The following TMEM209 variants were observed in gnomAD, a reference collection of about 807,000 sequenced individuals.
TMEM209 encodes the protein transmembrane protein 209, also known as testicular tissue protein Li 202.
A neutral mutation model predicts 76.2 loss-of-function variants in TMEM209; 65 were observed. The observed-to-expected ratio is 0.85, with a 90% CI of 0.70 to 1.05. The LOEUF (loss-of-function observed/expected upper bound fraction) is 1.05. Ranked by LOEUF, TMEM209 falls within the 50% of genes least tolerant of loss-of-function variation. The pLI is 0.00. For missense variants in TMEM209, 623 were observed against 685.5 expected (o/e 0.91, Z 1.02); for synonymous variants, 239 against 237.6 (o/e 1.01, Z -0.06).
At chr7:130,201,778 C>T (rs1169346972) in intron 5 of TMEM209, 72 bp downstream of exon 5, 2 of 1,572,256 alleles carry the variant, frequency 1.3e-6, no homozygotes, top group African/African-American at 2.7e-5. Context: ...TAAGTTTTGA[C>T]TCATTAGATG....
rs2117014545 is a variant in TMEM209, at chr7:130,192,668, A to G, written c.729T>C (p.Asp243=). 4 of 1,613,770 alleles carry G rather than the reference A, an allele frequency of 2.5e-6. No homozygotes were observed. The highest frequency in any genetic ancestry group is 3.4e-6 in the Non-Finnish European group (4 of 1,179,726). ...EDYMTDLRTL[D]TFLRSEEEKQ... ...TCTCCTCTTCACTTCTGAGAAAAGT[A>G]TCCAAAGTTCGTAGGTCGGTCATGT... The change falls in exon 6 of 15, where the codon GAT becomes GAC. Residue 243 remains aspartate (D), a synonymous_variant. Coordinates refer to ENST00000397622, the MANE Select transcript of TMEM209 (RefSeq NM_032842.4).
At position 130,192,631 on chromosome 7, in the gene TMEM209, C is replaced by T. The variant is rs1257093709; in HGVS notation, c.766G>A (p.Val256Ile). Residue 256 changes from valine (V) to isoleucine (I), a missense_variant, in exon 6 of 15, where the codon GTT becomes ATT. By Grantham distance (29) the Val-to-Ile change is conservative. Coordinates refer to ENST00000397622, the MANE Select transcript of TMEM209 (RefSeq NM_032842.4). ...LRSEEEKQHR[V>I]KLGSPDSTSP... ...AGAAATATATATGTACCCAGCTTAA[C>T]CCTATGCTGTTTCTCCTCTTCACTT... 1.9e-6 allele frequency: 3 copies of T among 1,613,314 alleles called. No homozygotes were observed. The highest frequency in any genetic ancestry group is 2.5e-6 in the Non-Finnish European group (3 of 1,179,644).
intron 13 of TMEM209, among the ~76,000 whole-genome samples, chr7:130,171,182 G>C (rs1447786318): frequency 1.3e-5 from 2 of 152,066 alleles, no homozygotes; most frequent in Non-Finnish European, 2.9e-5. Context: ...GTCTATAATG[G>C]CATAAACAAG....
At position 130,201,998 on chromosome 7, in the gene TMEM209, T is replaced by C. The variant is rs1447106589; in HGVS notation, c.425A>G (p.Tyr142Cys). ...PSIQGQSVLS[Y>C]SPSRSPSTSP... ...GGTACTGGGCGAACGAGAAGGGCTA[T>C]AACTCAACACACTCTGACCCTGAAT... Residue 142 changes from tyrosine to cysteine, a missense_variant, in exon 5 of 15, where the codon TAT (tyrosine) becomes TGT (cysteine). Coordinates refer to ENST00000397622, the MANE Select transcript of TMEM209 (RefSeq NM_032842.4). The C allele has an allele frequency of 2.5e-6, 4 of 1,613,864 alleles. No homozygotes were observed. Among genetic ancestry groups the C allele is most frequent in the Admixed American group, 1.7e-5 (1 of 60,006 alleles).
At position 130,205,395 on chromosome 7, in the gene TMEM209, C is replaced by T. The variant is rs1243874144; in HGVS notation, c.-20G>A. On this transcript the variant is annotated 5_prime_UTR_variant, in exon 1 of 15. Transcript: ENST00000397622. ...CACCATGTCCTCTGGCCGGAAAACG[C>T]AGGCTCGCGCCACTCTCTCTGGGCA... 6.2e-7 allele frequency: 1 copy of T among 1,613,716 alleles called. No homozygotes were observed. Among genetic ancestry groups the T allele is most frequent in the East Asian group, 2.2e-5 (1 of 44,868 alleles).
Position 130,173,663 on chromosome 7 carries a change from A to T in TMEM209, c.1526T>A (p.Ile509Asn). ...SAINPPHYEL[I>N]YQRHVYNLPK... Reference sequence around the variant, plus strand: ...CAGGTTGTATACATGACGCTGGTAGATGAGCTCATAATGGGGAGGGTTGAT... The same window carrying T: ...CAGGTTGTATACATGACGCTGGTAGTTGAGCTCATAATGGGGAGGGTTGAT... The change falls in exon 13 of 15, where the codon ATC becomes AAC. Residue 509 changes from isoleucine to asparagine, a missense_variant. Ile to Asn is a moderately radical substitution (Grantham distance 149). Coordinates refer to ENST00000397622, the MANE Select transcript of TMEM209 (RefSeq NM_032842.4). The T allele has an allele frequency of 1.2e-6, 2 of 1,613,584 alleles. No individual in the cohort carries two copies. The highest frequency in any genetic ancestry group is 1.7e-6 in the Non-Finnish European group (2 of 1,179,770).
intron 8 of TMEM209, 101 bp downstream of exon 8, chr7:130,184,079 ATAAC>A (rs1238335288): frequency 1.8e-5 from 13 of 733,050 alleles, no homozygotes; most frequent in Non-Finnish European, 2.8e-5. Context: ...CTGTACCTTT[ATAAC>A]TAATATTCTA....
intron 6 of TMEM209, among the ~76,000 whole-genome samples, chr7:130,190,690 G>A (rs974164647): frequency 5.9e-5 from 9 of 152,078 alleles, no homozygotes; most frequent in African/African-American, 2.2e-4. Flanking sequence ...AAGGATGTTA[G>A]AACTAGTAAG....
At position 130,204,098 on chromosome 7, in the gene TMEM209, C is replaced by T. The variant is rs769658764; in HGVS notation, c.16G>A (p.Ala6Thr). Residue 6 changes from alanine to threonine, a missense_variant, in exon 2 of 15, where the codon GCA becomes ACA. Coordinates refer to ENST00000397622, the MANE Select transcript of TMEM209 (RefSeq NM_032842.4). MMQGE[A>T]HPSASLIDRT... ...TCAATAAGGGAAGCACTAGGGTGTG[C>T]CTCCCCCTGCATCTATGAAAAAACA... 6.2e-7 allele frequency: 1 copy of T among 1,609,568 alleles called. No homozygotes were observed.
chr7:130,197,460 G>C (rs1340223174), intron 5 of TMEM209, among the ~76,000 whole-genome samples: 1 of 152,110 alleles, frequency 6.6e-6, no homozygotes, highest in Non-Finnish European at 1.5e-5. Context: ...AGACTTAGGG[G>C]GTGGAAAAAG....
intron 1 of TMEM209, chr7:130,204,997 G>A: frequency 2.6e-6 from 3 of 1,167,940 alleles, no homozygotes; most frequent in Admixed American, 7.3e-5. Context: ...GAGTAAGAGG[G>A]AGAGAGGGGA....
intron 5 of TMEM209, among the ~76,000 whole-genome samples, chr7:130,198,824 T>C (rs1442744486): frequency 6.6e-6 from 1 of 152,188 alleles, no homozygotes; most frequent in Non-Finnish European, 1.5e-5. Context: ...TTTGTTTTGG[T>C]CAGAAAATAC....
chr7:130,188,595 C>CAGA (rs1797690128), intron 6 of TMEM209, among the ~76,000 whole-genome samples: 1 of 72,704 alleles, frequency 1.4e-5, no homozygotes, highest in Non-Finnish European at 2.5e-5. Context: ...GACTCCGTAT[C>CAGA]AAAAAAAAAA....
At chr7:130,175,213 G>A (rs1000908834) in intron 11 of TMEM209, 7 of 279,696 alleles carry the variant, frequency 2.5e-5, no homozygotes, top group Admixed American at 1.5e-4. Context: ...TGTAAACCCA[G>A]CACTTTGGGA....
chr7:130,168,863 T>G (rs981002773), intron 14 of TMEM209, among the ~76,000 whole-genome samples: 1 of 152,312 alleles, frequency 6.6e-6, no homozygotes, highest in East Asian at 1.9e-4. Flanking sequence ...TTTCATAATT[T>G]AAAAATAAAA....
At chr7:130,199,423 T>C (rs1798109638) in intron 5 of TMEM209, among the ~76,000 whole-genome samples, 1 of 152,160 alleles carries the variant, frequency 6.6e-6, no homozygotes, top group Non-Finnish European at 1.5e-5. Flanking sequence ...GGTTTCAACA[T>C]GTTAGCCAGG....
chr7:130,198,611 C>CA (rs1417107114), intron 5 of TMEM209, among the ~76,000 whole-genome samples: 1 of 151,822 alleles, frequency 6.6e-6, no homozygotes, highest in Non-Finnish European at 1.5e-5. Context: ...AACTCTGTCT[C>CA]AAAAAAACCC....
At chr7:130,192,116 C>G (rs1797817418) in intron 6 of TMEM209, 1 of 158,668 alleles carries the variant, frequency 6.3e-6, no homozygotes, top group Non-Finnish European at 1.4e-5. Context: ...TAATCAAATT[C>G]ACCCCAAACA....
At chr7:130,180,243 AT>A (rs1455813557) in intron 9 of TMEM209, among the ~76,000 whole-genome samples, 1 of 152,194 alleles carries the variant, frequency 6.6e-6, no homozygotes, top group African/African-American at 2.4e-5. Context: ...TTTATGCTTT[AT>A]ACAACTTTGT....
Sources: allele counts gnomAD v4.1 joint callset (sites outside exome capture counted in the v4.1 genomes callset), GRCh38; gene constraint gnomAD v4.1.1; transcripts MANE v1.5; gene names NCBI Gene and HGNC (gene_info 2026-07-23, HGNC 2026-07-21).